Variants in AP3D1 observed in about 807,000 individuals in gnomAD.
AP3D1 encodes the protein AP-3 complex subunit delta-1.
A neutral mutation model predicts 147.6 loss-of-function variants in AP3D1; 51 were observed. That is an observed-to-expected ratio of 0.35 (90% CI 0.28 to 0.44). The LOEUF (loss-of-function observed/expected upper bound fraction) is 0.44, where lower values mean the gene tolerates loss of function less well. Among genes scored for constraint, AP3D1 ranks in the 20% least tolerant of loss-of-function variants. The pLI is 1.00. For missense variants in AP3D1, 1,421 were observed against 1,624.2 expected, an observed-to-expected ratio of 0.87 and a Z score of 2.15; for synonymous variants, 760 against 663.0, an observed-to-expected ratio of 1.15 and a Z score of -2.25.
At chr19:2,130,121 C>T (rs997321764) in intron 6 of AP3D1, among the ~76,000 whole-genome samples, 1 of 152,200 alleles carries the variant, frequency 6.6e-6, no homozygotes, top group African/African-American at 2.4e-5. Flanking sequence ...AAGGTGCCTC[C>T]TGGTGGCACT....
At chr19:2,120,085 T>C (rs577245808) in intron 14 of AP3D1, among the ~76,000 whole-genome samples, 2 of 151,950 alleles carry the variant, frequency 1.3e-5, no homozygotes, top group South Asian at 4.2e-4. Context: ...GTGCTCGGTG[T>C]GGCCGTGATG....
chr19:2,153,160 G>A (rs188694118), upstream of AP3D1, among the ~76,000 whole-genome samples: 320 of 151,656 alleles, frequency 2.1e-3, 1 homozygote, highest in East Asian at 6.4e-3. Flanking sequence ...GATCACATGA[G>A]GTCAGGAGTT....
Position 2,114,105 on chromosome 19 carries a change from G to T in AP3D1, c.2601+20C>A. On this transcript the variant is annotated intron_variant, in intron 22 of 31. Transcript: ENST00000643116. ...AGGGAGGGGAATGGAGAAGGCCGCC[G>T]CCCTGGGCACTAGCCTTACCTTCTT... is the stretch of plus-strand genomic sequence containing the variant. 6.4e-7 allele frequency: 1 copy of T among 1,550,468 alleles called. No individual in the cohort carries two copies. The highest frequency in any genetic ancestry group is 8.7e-7 in the Non-Finnish European group (1 of 1,147,348).
At chr19:2,142,476 G>C (rs1056164488) in intron 1 of AP3D1, among the ~76,000 whole-genome samples, 1 of 152,294 alleles carries the variant, frequency 6.6e-6, no homozygotes, top group South Asian at 2.1e-4. Flanking sequence ...TTAAACTTCC[G>C]ATTCTCAGTC....
intron 1 of AP3D1, among the ~76,000 whole-genome samples, chr19:2,145,941 ACC>A (rs565390251): frequency 1.3e-5 from 2 of 152,194 alleles, no homozygotes; most frequent in African/African-American, 4.8e-5. Flanking sequence ...CTACAGCTGC[ACC>A]CCCCAAACAC....
chr19:2,131,863 G>A (rs945015081), intron 5 of AP3D1, among the ~76,000 whole-genome samples: 6 of 150,638 alleles, frequency 4.0e-5, no homozygotes, highest in Middle Eastern at 3.4e-3. Context: ...CATCGGCCAC[G>A]ATCTAGACAC....
intron 1 of AP3D1, among the ~76,000 whole-genome samples, chr19:2,145,408 C>G (rs532002541): frequency 1.6e-4 from 24 of 152,340 alleles, no homozygotes; most frequent in Admixed American, 1.5e-3. Flanking sequence ...GCAGTGGTTC[C>G]CAGCAGGTGA....
intron 15 of AP3D1, among the ~76,000 whole-genome samples, chr19:2,117,822 C>G (rs1170731465): frequency 6.6e-6 from 1 of 152,260 alleles, no homozygotes; most frequent in Non-Finnish European, 1.5e-5. Flanking sequence ...AGCCTTGAAG[C>G]TGGGTCTCCT....
intron 4 of AP3D1, among the ~76,000 whole-genome samples, chr19:2,134,655 G>T (rs2019033181): frequency 6.6e-6 from 1 of 151,300 alleles, no homozygotes; most frequent in Non-Finnish European, 1.5e-5. Flanking sequence ...AGGCTGGAGT[G>T]CAATGGCACA....
intron 1 of AP3D1, among the ~76,000 whole-genome samples, chr19:2,146,305 T>C (rs1432543580): frequency 6.6e-6 from 1 of 152,064 alleles, no homozygotes; most frequent in Non-Finnish European, 1.5e-5. Context: ...ATCATTACCA[T>C]AATAATTAGC....
intron 1 of AP3D1, among the ~76,000 whole-genome samples, chr19:2,145,806 C>T (rs2019341516): frequency 6.6e-6 from 1 of 152,314 alleles, no homozygotes; most frequent in African/African-American, 2.4e-5. Context: ...CTTTTGAAAA[C>T]CCCTGCAAAG....
chr19:2,150,346 A>T (rs1422218881), intron 1 of AP3D1, among the ~76,000 whole-genome samples: 1 of 152,212 alleles, frequency 6.6e-6, no homozygotes, highest in Non-Finnish European at 1.5e-5. Context: ...CTGCACGGGT[A>T]TCCTTAATGA....
intron 4 of AP3D1, chr19:2,133,337 A>C (rs2018997339): frequency 6.6e-6 from 1 of 152,166 alleles, no homozygotes; most frequent in African/African-American, 2.4e-5. Context: ...AAAACACGGA[A>C]TCTGCCCCAG....
Position 2,123,961 on chromosome 19 carries a change from C to A in AP3D1, c.857-82G>T, listed in dbSNP as rs534412715. 4 of 1,455,308 alleles carry A rather than the reference C, an allele frequency of 2.7e-6. No individual in the cohort carries two copies. In the African/African-American group the frequency reaches 4.2e-5, roughly 15 times the overall value. The allele number at this position is 1,455,308 out of a possible 1,614,324, so 90.1% of individuals were successfully genotyped here. The stretch of plus-strand genomic sequence containing the variant: ...AACTCAGGGCCACGGGGCACCAGCA[C>A]CCCCTCGCCGGGAGGAGGGATGGGA... On this transcript the variant is annotated intron_variant, in intron 9 of 31. Transcript: ENST00000643116.
intron 1 of AP3D1, among the ~76,000 whole-genome samples, chr19:2,157,646 A>C: frequency 8.2e-6 from 1 of 121,580 alleles, no homozygotes. Context: ...TCCACCCATC[A>C]ACGTTAGTTG....
rs1205872756 is a variant in AP3D1, at chr19:2,110,732, G to A, written c.3150C>T (p.Val1050=). Residue 1050 remains valine, a synonymous_variant, in exon 27 of 32, where the codon GTC becomes GTT. Transcript: ENST00000643116. ...RPQGSSVHDG[V]PVPFQLPPGV... ...CTGGGGGCAGCTGGAAAGGCACGGG[G>A]ACGCCATCGTGGACGGAGGAGCCCT... 1 of 1,606,464 alleles carries A rather than the reference G, an allele frequency of 6.2e-7. No individual in the cohort carries two copies. The highest frequency in any genetic ancestry group is 8.5e-7 in the Non-Finnish European group (1 of 1,177,810).
At chr19:2,150,524 C>T (rs1347547593) in intron 1 of AP3D1, among the ~76,000 whole-genome samples, 3 of 152,190 alleles carry the variant, frequency 2.0e-5, no homozygotes, top group African/African-American at 7.2e-5. Flanking sequence ...CTTCCCCATT[C>T]CAGCTTCCCG....
chr19:2,131,017 TTACTC>T (rs1413422574), intron 5 of AP3D1, among the ~76,000 whole-genome samples: 1 of 152,226 alleles, frequency 6.6e-6, no homozygotes. Context: ...CCCCACTGCT[TTACTC>T]TAGAGGAGCC....
chr19:2,161,579 A>G (rs1339713450), intron 1 of AP3D1, among the ~76,000 whole-genome samples: 1 of 152,120 alleles, frequency 6.6e-6, no homozygotes, highest in Non-Finnish European at 1.5e-5. Flanking sequence ...TCTAAAGTTA[A>G]TGTTTTATTT....
Sources: gnomAD v4.1 joint callset for allele counts (sites outside exome capture counted in the v4.1 genomes callset) on GRCh38, gnomAD v4.1.1 for gene constraint, MANE v1.5 for transcripts, NCBI Gene and HGNC (gene_info 2026-07-23, HGNC 2026-07-21) for gene names.